The following INSYN2B variants were observed in gnomAD, a reference collection of about 807,000 sequenced individuals.
INSYN2B encodes protein INSYN2B.
In INSYN2B, 16 loss-of-function variants were observed where a neutral mutation model predicts 41.2. That is an observed-to-expected ratio of 0.39 (90% CI 0.26 to 0.59). The LOEUF (loss-of-function observed/expected upper bound fraction) is 0.59. INSYN2B is among the 20% of genes least tolerant of loss of function. The pLI is 0.57. For missense variants in INSYN2B, 608 were observed against 646.4 expected, an observed-to-expected ratio of 0.94 and a Z score of 0.64; for synonymous variants, 245 against 244.4, an observed-to-expected ratio of 1.00 and a Z score of -0.02.
chr5:169,977,022 T>A (rs1777740238), intron 1 of INSYN2B, among the ~76,000 whole-genome samples: 2 of 152,244 alleles, frequency 1.3e-5, no homozygotes, highest in African/African-American at 2.4e-5. Context: ...AACCAAAGAA[T>A]GTCACTGCAC....
rs555260204 is a variant in INSYN2B at position 169,974,167 on chromosome 5, C to T, written c.-919+6110G>A. Among the ~76,000 whole-genome samples, 85 of 152,310 alleles carry T rather than the reference C, an allele frequency of 5.6e-4. 1 individual carries two copies. The highest frequency in any genetic ancestry group is 1.9e-3 in the African/African-American group (81 of 41,566). On this transcript the variant is annotated intron_variant, in intron 1 of 3. Transcript: ENST00000377365. Reference sequence around the variant, plus strand: ...AGCTGATCTAGGCAACCTATATCCCCTCTCTGTTCGTTGGTTTTCTTATCT... The same window carrying T: ...AGCTGATCTAGGCAACCTATATCCCTTCTCTGTTCGTTGGTTTTCTTATCT...
chr5:169,980,168 T>A (rs1418425672), intron 1 of INSYN2B, 109 bp downstream of exon 1: 1 of 152,098 alleles, frequency 6.6e-6, no homozygotes, highest in Non-Finnish European at 1.5e-5. Context: ...CCAGTCTCAC[T>A]GTTGATTTAA....
At chr5:169,960,806 G>A (rs1388374770) in intron 1 of INSYN2B, among the ~76,000 whole-genome samples, 1 of 152,160 alleles carries the variant, frequency 6.6e-6, no homozygotes, top group Non-Finnish European at 1.5e-5. Context: ...ATTGTGTTCT[G>A]TTCTGAGTCA....
intron 1 of INSYN2B, among the ~76,000 whole-genome samples, chr5:169,927,240 G>T (rs779875108): frequency 6.6e-6 from 1 of 152,192 alleles, no homozygotes; most frequent in Non-Finnish European, 1.5e-5. Flanking sequence ...AGCTTCAGAT[G>T]AATTCGGAGA....
chr5:169,921,101 A>C (rs147326840), intron 1 of INSYN2B, among the ~76,000 whole-genome samples: 42 of 152,248 alleles, frequency 2.8e-4, no homozygotes, highest in African/African-American at 9.9e-4. Context: ...TTTTGCTTCC[A>C]TAAGGGAAAA....
chr5:169,961,583 C>T (rs928295842), intron 1 of INSYN2B, among the ~76,000 whole-genome samples: 6 of 151,998 alleles, frequency 3.9e-5, no homozygotes, highest in Non-Finnish European at 7.4e-5. Flanking sequence ...AGGAGCTCCA[C>T]CTAGGAAAGG....
chr5:169,954,579 C>G (rs904446953), intron 1 of INSYN2B, among the ~76,000 whole-genome samples: 6 of 152,222 alleles, frequency 3.9e-5, no homozygotes, highest in African/African-American at 1.4e-4. Context: ...ATAAGCTTAT[C>G]CATCCCTGTT....
At chr5:169,944,563 C>G (rs1179561727) in intron 1 of INSYN2B, among the ~76,000 whole-genome samples, 1 of 152,224 alleles carries the variant, frequency 6.6e-6, no homozygotes, top group Non-Finnish European at 1.5e-5. Context: ...GAATCCCAGC[C>G]ATCCCTTATG....
intron 1 of INSYN2B, among the ~76,000 whole-genome samples, chr5:169,903,052 C>T (rs527657154): frequency 1.3e-5 from 2 of 151,754 alleles, no homozygotes; most frequent in African/African-American, 4.8e-5. Context: ...GAGCTGAGAT[C>T]ACGCCACTGT....
chr5:169,957,826 C>G (rs1215371440), intron 1 of INSYN2B, among the ~76,000 whole-genome samples: 4 of 152,214 alleles, frequency 2.6e-5, no homozygotes, highest in African/African-American at 9.7e-5. Flanking sequence ...GTCTCCCTGA[C>G]TCTCCCCTGC....
At position 169,882,410 on chromosome 5, in the gene INSYN2B, T is replaced by A. The variant is rs905407858; in HGVS notation, c.1346+143A>T. On this transcript the variant is annotated intron_variant, in intron 2 of 3. Coordinates refer to ENST00000377365, the MANE Select transcript of INSYN2B (RefSeq NM_001129891.3). ...GAAATTCCATTAGAGAAAAGGGAGG[T>A]CTGTGGTTATGATTTGGAGAAACAA... The A allele has an allele frequency of 9.2e-6, 6 of 653,672 alleles. No individual in the cohort carries two copies. The Admixed American group carries it at 1.8e-4, about 19-fold the overall frequency. 40.5% of individuals were successfully genotyped at this position (653,672 alleles called of 1,614,324 possible).
At chr5:169,869,276 T>A (rs568959173) in intron 3 of INSYN2B, among the ~76,000 whole-genome samples, 3 of 152,328 alleles carry the variant, frequency 2.0e-5, no homozygotes, top group African/African-American at 7.2e-5. Context: ...AGGGTTTCAT[T>A]ATAATCACTG....
chr5:169,900,817 A>G (rs1042619836), intron 1 of INSYN2B, among the ~76,000 whole-genome samples: 2 of 152,156 alleles, frequency 1.3e-5, no homozygotes, highest in African/African-American at 4.8e-5. Context: ...ATTTCCTCCT[A>G]TTACCAAGAT....
chr5:169,931,981 T>A (rs2113684029), intron 1 of INSYN2B, among the ~76,000 whole-genome samples: 1 of 152,362 alleles, frequency 6.6e-6, no homozygotes, highest in South Asian at 2.1e-4. Context: ...TGCCAGGAAC[T>A]GCTCTAGGTG....
rs770222881 is a variant in INSYN2B at position 169,883,627 on chromosome 5, C to T, written c.272G>A (p.Gly91Asp). 2 of 1,551,428 alleles carry T rather than the reference C, an allele frequency of 1.3e-6. No homozygotes were observed. The highest frequency in any genetic ancestry group is 1.7e-6 in the Non-Finnish European group (2 of 1,146,856). ...AGTTTGGATTGCAATGTTGCGAAAG[C>T]CCCCTGCCTTCTGGGACCTGGGGAA... ...LSFPRSQKAG[G>D]FRNIAIQTSP... Residue 91 changes from glycine (G) to aspartate (D), a missense_variant, in exon 2 of 4, where the codon GGC becomes GAC. Coordinates refer to ENST00000377365, the MANE Select transcript of INSYN2B (RefSeq NM_001129891.3).
At chr5:169,939,866 C>T (rs1581447748) in intron 1 of INSYN2B, among the ~76,000 whole-genome samples, 1 of 152,174 alleles carries the variant, frequency 6.6e-6, no homozygotes, top group East Asian at 1.9e-4. Context: ...GTACTTTGCC[C>T]TCTTCAGCTC....
intron 1 of INSYN2B, among the ~76,000 whole-genome samples, chr5:169,956,837 A>G (rs966048125): frequency 2.0e-5 from 3 of 152,150 alleles, no homozygotes; most frequent in Non-Finnish European, 4.4e-5. Context: ...TTCCTTTCAG[A>G]CCTATGGGTC....
chr5:169,930,029 T>C (rs1213318409), intron 1 of INSYN2B, among the ~76,000 whole-genome samples: 1 of 152,218 alleles, frequency 6.6e-6, no homozygotes, highest in Non-Finnish European at 1.5e-5. Context: ...TCTTGCTCTG[T>C]CACCAGGCTG....
intron 1 of INSYN2B, among the ~76,000 whole-genome samples, chr5:169,917,258 T>C (rs1384887745): frequency 6.6e-6 from 1 of 152,222 alleles, no homozygotes; most frequent in African/African-American, 2.4e-5. Context: ...TATAAACTCC[T>C]AGTAGACCAG....
Sources: gnomAD v4.1 joint callset for allele counts (sites outside exome capture counted in the v4.1 genomes callset) on GRCh38, gnomAD v4.1.1 for gene constraint, MANE v1.5 for transcripts, NCBI Gene and HGNC (gene_info 2026-07-23, HGNC 2026-07-21) for gene names.